The following ZBTB38 variants were observed in gnomAD, a reference collection of about 807,000 sequenced individuals.
ZBTB38 encodes the protein zinc finger and BTB domain-containing protein 38.
Under a neutral mutation model 76.8 loss-of-function variants are expected in ZBTB38, and 20 were observed. That is an observed-to-expected ratio of 0.26 (90% CI 0.18 to 0.38). The LOEUF is 0.38. Ranked by LOEUF, ZBTB38 falls within the 10% of genes least tolerant of loss-of-function variation. The pLI is 1.00. For synonymous variants in ZBTB38, 504 were observed against 544.2 expected (o/e 0.93, Z 1.03); for missense variants, 1,082 against 1,482.3 (o/e 0.73, Z 4.43).
intron 5 of ZBTB38, among the ~76,000 whole-genome samples, chr3:141,431,341 A>AAAAAAAAATATAT: frequency 9.7e-6 from 1 of 103,292 alleles, no homozygotes; most frequent in Non-Finnish European, 1.7e-5. Context: ...AAAAAAAAAA[A>AAAAAAAAATATAT]ATATATATAT....
Position 141,444,128 on chromosome 3 carries a change from C to T in ZBTB38, c.1740C>T (p.Ser580=). 1 of 1,613,886 alleles carries T rather than the reference C, an allele frequency of 6.2e-7. No individual in the cohort carries two copies. Among genetic ancestry groups the T allele is most frequent in the Non-Finnish European group, 8.5e-7 (1 of 1,179,892 alleles). ...AATGCAAGAGAGCCCCTTATAAGAG[C>T]TACCGAAATTCTTCCTATGAAAATG... is the stretch of plus-strand genomic sequence containing the variant. ...PMKCKRAPYK[S]YRNSSYENAR... The change falls in exon 6 of 6, where the codon AGC becomes AGT. Residue 580 remains serine (S), a synonymous_variant. Transcript: ENST00000321464. This position sits in a 1 kb window ranked among gnomAD's most constrained non-coding sequence, Gnocchi z 5.1.
At position 141,443,309 on chromosome 3, in the gene ZBTB38, A is replaced by G; in HGVS notation, c.921A>G (p.Ser307=). Residue 307 remains serine (S), a synonymous_variant, in exon 6 of 6, where the codon TCA becomes TCG. Transcript: ENST00000321464. The surrounding 1 kb of genome is among the most constrained non-coding windows in gnomAD (Gnocchi z 5.6). Reference sequence around the variant, plus strand: ...AACCAGCTGCTGTTCTCACTCGTTCAAAATCTCCAAACAATGAAGGAGATG... The same window carrying G: ...AACCAGCTGCTGTTCTCACTCGTTCGAAATCTCCAAACAATGAAGGAGATG... ...SPQPAAVLTR[S]KSPNNEGDVH... is the part of the protein sequence containing the mutation. 1 of 1,614,232 alleles carries G rather than the reference A, an allele frequency of 6.2e-7. No homozygotes were observed. Among genetic ancestry groups the G allele is most frequent in the Non-Finnish European group, 8.5e-7 (1 of 1,180,028 alleles).
intron 4 of ZBTB38, chr3:141,389,745 G>A (rs1948268426): frequency 6.6e-6 from 1 of 152,160 alleles, no homozygotes; most frequent in South Asian, 2.1e-4. Context: ...TGATAGGCCA[G>A]TACAAAGTAA....
intron 2 of ZBTB38, among the ~76,000 whole-genome samples, chr3:141,371,051 T>C (rs1262481622): frequency 0.017 from 1,999 of 118,346 alleles, 105 homozygotes; most frequent in East Asian, 0.1. Context: ...CTTTCTTTTT[T>C]TTTTTTTTTT....
At chr3:141,364,754 A>T (rs2148967921), upstream of ZBTB38, among the ~76,000 whole-genome samples, 1 of 151,738 alleles carries the variant, frequency 6.6e-6, no homozygotes, top group East Asian at 1.9e-4. Flanking sequence ...AGTTCTCCAA[A>T]GAAGATATAC....
chr3:141,357,154 G>C (rs989261964), intron 1 of ZBTB38, among the ~76,000 whole-genome samples: 1 of 152,064 alleles, frequency 6.6e-6, no homozygotes, highest in Non-Finnish European at 1.5e-5. Context: ...CCTTGTGTTG[G>C]TCTCCATTTC....
intron 5 of ZBTB38, among the ~76,000 whole-genome samples, chr3:141,418,267 T>C (rs1396991393): frequency 1.2e-4 from 19 of 152,220 alleles, no homozygotes; most frequent in Admixed American, 1.2e-3. Flanking sequence ...CACATGCCTG[T>C]GGGGCAGCCA....
intron 1 of ZBTB38, among the ~76,000 whole-genome samples, chr3:141,347,434 T>G (rs970947705): frequency 6.6e-6 from 1 of 152,226 alleles, no homozygotes; most frequent in African/African-American, 2.4e-5. Flanking sequence ...TACACATATA[T>G]TTCTATAATA....
intron 1 of ZBTB38, among the ~76,000 whole-genome samples, chr3:141,336,529 T>G (rs1943020313): frequency 6.6e-6 from 1 of 152,188 alleles, no homozygotes; most frequent in African/African-American, 2.4e-5. Context: ...ATTTATTTAT[T>G]ATAGAGATGG....
rs1322495935 is a variant in ZBTB38, at chr3:141,358,858, G to C, written c.-738-9763G>C. Among the ~76,000 whole-genome samples the C allele has an allele frequency of 2.0e-5, 3 of 152,098 alleles. No homozygotes were observed. The East Asian group carries it at 5.8e-4, about 29-fold the overall frequency. ...TTTTGTCAGTGGCTTCTTTGATTTG[G>C]CACAATACTACCACTAAAGGCTTGA... On this transcript the variant is annotated intron_variant, in intron 1 of 7. Coordinates refer to the ZBTB38 transcript ENST00000509842.
intron 3 of ZBTB38, among the ~76,000 whole-genome samples, 184 bp downstream of exon 3, chr3:141,381,671 G>T (rs968834092): frequency 6.6e-6 from 1 of 152,204 alleles, no homozygotes; most frequent in East Asian, 1.9e-4. Flanking sequence ...CCCAGGTAGG[G>T]TGGAGCTGGT....
In ZBTB38 at chr3:141,399,343, T is replaced by C. The variant is rs545068459; in HGVS notation, c.-105-4584T>C. ...TTCATGCCACTTCCCATAAGCAGTTTCACACATTTATCTGCCTGGCTCCCA... is the reference window on the plus strand; with the variant it reads ...TTCATGCCACTTCCCATAAGCAGTTCCACACATTTATCTGCCTGGCTCCCA... On this transcript the variant is annotated intron_variant, in intron 4 of 5. Transcript: ENST00000321464. Among the ~76,000 whole-genome samples the C allele has an allele frequency of 2.7e-4, 41 of 152,286 alleles. No homozygotes were observed. In the South Asian group the frequency reaches 5.6e-3, roughly 21 times the overall value.
intron 5 of ZBTB38, among the ~76,000 whole-genome samples, chr3:141,431,521 C>T (rs905308198): frequency 9.9e-5 from 15 of 151,568 alleles, no homozygotes; most frequent in Non-Finnish European, 2.1e-4. Flanking sequence ...ACACGAGCTA[C>T]CCTGAAACAC....
intron 1 of ZBTB38, among the ~76,000 whole-genome samples, chr3:141,329,740 A>G (rs754394124): frequency 1.3e-5 from 2 of 152,086 alleles, no homozygotes; most frequent in Non-Finnish European, 2.9e-5. Context: ...AGAATCCTAT[A>G]TTTCAACCTC....
Position 141,445,795 on chromosome 3 carries a change from C to T in ZBTB38, c.3407C>T (p.Thr1136Ile), listed in dbSNP as rs1394083305. ...ACFQCPKICKTAAALGMHQKK... is the reference protein window; with the variant it reads ...ACFQCPKICKIAAALGMHQKK... ...TTCCAGTGCCCCAAAATTTGCAAAA[C>T]AGCTGCTGCCCTTGGAATGCACCAA... The change falls in exon 6 of 6, where the codon ACA (threonine) becomes ATA (isoleucine). Residue 1136 changes from threonine (T) to isoleucine (I), a missense_variant. Thr to Ile is a moderately conservative substitution (Grantham distance 89). Transcript: ENST00000321464. The surrounding 1 kb of genome is among the most constrained non-coding windows in gnomAD (Gnocchi z 6.5). 4.3e-6 allele frequency: 7 copies of T among 1,614,090 alleles called. No homozygotes were observed. Among genetic ancestry groups the T allele is most frequent in the Non-Finnish European group, 5.9e-6 (7 of 1,180,042 alleles).
intron 1 of ZBTB38, 38 bp from the exon 2 acceptor site, chr3:141,369,834 C>T (rs1944284796): frequency 6.6e-6 from 1 of 152,136 alleles, no homozygotes; most frequent in African/African-American, 2.4e-5. Flanking sequence ...GTTTTATAGG[C>T]CTTATGTTTT....
At chr3:141,403,363 A>T (rs913770733) in intron 4 of ZBTB38, among the ~76,000 whole-genome samples, 9 of 152,214 alleles carry the variant, frequency 5.9e-5, no homozygotes, top group African/African-American at 2.2e-4. Flanking sequence ...GTGAGTCGCT[A>T]TATCTAAGTG....
intron 1 of ZBTB38, among the ~76,000 whole-genome samples, chr3:141,337,459 C>T (rs1190106940): frequency 1.3e-5 from 2 of 152,236 alleles, no homozygotes; most frequent in Admixed American, 6.5e-5. Flanking sequence ...TGAATCATCC[C>T]CTCCAACCCT....
chr3:141,331,111 T>C (rs1208469120), intron 1 of ZBTB38, among the ~76,000 whole-genome samples: 2 of 152,242 alleles, frequency 1.3e-5, no homozygotes, highest in Non-Finnish European at 2.9e-5. Flanking sequence ...CAGCATCTCT[T>C]TGAACTTTTG....
Sources: allele counts gnomAD v4.1 joint callset (sites outside exome capture counted in the v4.1 genomes callset), GRCh38; gene constraint gnomAD v4.1.1; non-coding constraint Gnocchi (gnomAD v3.1); transcripts MANE v1.5; gene names NCBI Gene and HGNC (gene_info 2026-07-23, HGNC 2026-07-21).